VAT1L: variants seen among roughly 807,000 people sequenced by gnomAD.
VAT1L encodes putative NADPH-dependent quinone oxidoreductase VAT1L.
VAT1L carries 34 observed loss-of-function variants against 44.1 expected under a neutral mutation model. The ratio of observed to expected loss-of-function variants is 0.77; its 90% CI spans 0.59 to 1.03. VAT1L has a LOEUF of 1.03. VAT1L is among the 50% of genes least tolerant of loss of function. VAT1L has a pLI of 0.00. For missense variants in VAT1L, 615 were observed against 538.8 expected (o/e 1.14, Z -1.40); for synonymous variants, 253 against 202.2 (o/e 1.25, Z -2.13).
chr16:77,920,491 C>T (rs182414567), intron 7 of VAT1L, among the ~76,000 whole-genome samples: 35 of 152,124 alleles, frequency 2.3e-4, no homozygotes, highest in Non-Finnish European at 4.3e-4. Flanking sequence ...TGAAAACACC[C>T]CCTGAATTAT....
At chr16:77,806,623 G>A (rs1164080325) in intron 1 of VAT1L, among the ~76,000 whole-genome samples, 3 of 152,236 alleles carry the variant, frequency 2.0e-5, no homozygotes, top group African/African-American at 4.8e-5. Context: ...GATTACAGGC[G>A]TGAGCCACCG....
chr16:77,945,797 C>CTTTTTTT (rs58436423), intron 7 of VAT1L, among the ~76,000 whole-genome samples: 1 of 141,172 alleles, frequency 7.1e-6, no homozygotes, highest in African/African-American at 2.6e-5. Flanking sequence ...AGTGGCTTGA[C>CTTTTTTT]TTTTTTTTTT....
At chr16:77,847,876 T>C (rs2016772730) in intron 3 of VAT1L, among the ~76,000 whole-genome samples, 1 of 152,188 alleles carries the variant, frequency 6.6e-6, no homozygotes, top group Non-Finnish European at 1.5e-5. Context: ...TATACAAAAG[T>C]AGGCTGTCAA....
At chr16:77,906,067 A>T (rs1354044399) in intron 7 of VAT1L, among the ~76,000 whole-genome samples, 5 of 152,162 alleles carry the variant, frequency 3.3e-5, no homozygotes, top group African/African-American at 1.2e-4. Context: ...CCCCCCAGTA[A>T]TGAGTGTTGA....
intron 1 of VAT1L, 115 bp from the exon 2 acceptor site, chr16:77,816,806 A>G: frequency 7.7e-7 from 1 of 1,290,626 alleles, no homozygotes; most frequent in Non-Finnish European, 1.0e-6. Context: ...GACAGGAAGG[A>G]GTGAAGAAGG....
chr16:77,921,270 C>T lies in VAT1L; in HGVS notation c.1077+36468C>T, dbSNP rs115673114. On this transcript the variant is annotated intron_variant, in intron 7 of 8. Transcript: ENST00000302536. ...CTGTAAATCGGGACTATTCCTCTGA[C>T]TCCTCATGGAATTGCTTTTACTGAA... Among the ~76,000 whole-genome samples the T allele has an allele frequency of 4.2e-3, 637 of 152,302 alleles. 7 individuals are homozygous for T. Among genetic ancestry groups the T allele is most frequent in the African/African-American group, 0.015 (603 of 41,566 alleles).
chr16:77,953,891 C>G (rs1039866864), intron 7 of VAT1L, among the ~76,000 whole-genome samples: 1 of 152,156 alleles, frequency 6.6e-6, no homozygotes, highest in African/African-American at 2.4e-5. Context: ...AACAAGCCCA[C>G]CTACTGCATT....
chr16:77,942,602 C>T (rs1463100088), intron 7 of VAT1L, among the ~76,000 whole-genome samples: 4 of 152,138 alleles, frequency 2.6e-5, no homozygotes, highest in Admixed American at 1.3e-4. Flanking sequence ...ATAGTTGCCT[C>T]ATTTCTCTTT....
At chr16:77,854,470 G>A (rs968506392) in intron 3 of VAT1L, among the ~76,000 whole-genome samples, 1 of 152,152 alleles carries the variant, frequency 6.6e-6, no homozygotes, top group African/African-American at 2.4e-5. Context: ...CTGAATTGTT[G>A]AGCAGACAAA....
At chr16:77,902,436 T>C (rs1217329492) in intron 7 of VAT1L, among the ~76,000 whole-genome samples, 1 of 152,172 alleles carries the variant, frequency 6.6e-6, no homozygotes, top group Non-Finnish European at 1.5e-5. Flanking sequence ...CTAAGTATTC[T>C]TCTTAACCCA....
chr16:77,802,315 C>G (rs2016071908), intron 1 of VAT1L, among the ~76,000 whole-genome samples: 1 of 152,208 alleles, frequency 6.6e-6, no homozygotes, highest in South Asian at 2.1e-4. Flanking sequence ...GTCTTGAGTC[C>G]CTTAGAAAAC....
At chr16:77,968,189 C>T (rs919471629) in intron 7 of VAT1L, among the ~76,000 whole-genome samples, 7 of 152,094 alleles carry the variant, frequency 4.6e-5, no homozygotes, top group Non-Finnish European at 8.8e-5. Flanking sequence ...TTAGTTGGTC[C>T]TTTGATTCTC....
chr16:77,884,662 A>T lies in VAT1L; in HGVS notation c.937A>T (p.Ile313Phe), dbSNP rs766185650. The T allele has an allele frequency of 4.3e-6, 7 of 1,613,452 alleles. No individual in the cohort carries two copies. Among genetic ancestry groups the T allele is most frequent in the Non-Finnish European group, 5.9e-6 (7 of 1,179,830 alleles). Residue 313 changes from isoleucine (I) to phenylalanine (F), a missense_variant, in exon 7 of 9, where the codon ATC becomes TTC. Transcript: ENST00000302536. The surrounding 1 kb of genome is among the most constrained non-coding windows in gnomAD (Gnocchi z 4.5). ...PIKLYEENKV[I>F]AGFSLLNLLF... is the part of the protein sequence containing the mutation. The stretch of plus-strand genomic sequence containing the variant: ...CAAGCTGTATGAGGAGAACAAAGTC[A>T]TCGCGGGGTTTTCCCTTTTAAATCT...
intron 4 of VAT1L, among the ~76,000 whole-genome samples, chr16:77,872,579 C>A (rs2142450433): frequency 6.6e-6 from 1 of 152,276 alleles, no homozygotes; most frequent in Admixed American, 6.5e-5. Flanking sequence ...AACCTCAAAG[C>A]AAGCGGCCCT....
intron 7 of VAT1L, among the ~76,000 whole-genome samples, chr16:77,971,198 A>C (rs1348943072): frequency 2.6e-5 from 4 of 152,164 alleles, no homozygotes; most frequent in Non-Finnish European, 5.9e-5. Context: ...GAAATGCTCA[A>C]AAGGCAAATT....
intron 7 of VAT1L, among the ~76,000 whole-genome samples, chr16:77,924,906 C>T (rs1449782733): frequency 6.6e-6 from 1 of 152,142 alleles, no homozygotes; most frequent in Non-Finnish European, 1.5e-5. Context: ...GTCTCTGTAC[C>T]TTTTCATTTT....
intron 3 of VAT1L, among the ~76,000 whole-genome samples, chr16:77,849,864 A>T (rs573878890): frequency 6.6e-6 from 1 of 152,330 alleles, no homozygotes; most frequent in East Asian, 1.9e-4. Flanking sequence ...GAAGTCACAG[A>T]AAGAGTCCCG....
At chr16:77,822,407 C>A (rs1365312501) in intron 2 of VAT1L, among the ~76,000 whole-genome samples, 1 of 152,140 alleles carries the variant, frequency 6.6e-6, no homozygotes, top group Non-Finnish European at 1.5e-5. Flanking sequence ...CGTGAGCCAC[C>A]ACGCCTGGCC....
chr16:77,826,871 GA>G (rs1416615384), intron 3 of VAT1L, among the ~76,000 whole-genome samples: 3 of 152,150 alleles, frequency 2.0e-5, no homozygotes, highest in Non-Finnish European at 2.9e-5. Flanking sequence ...GATGAACTCA[GA>G]AATAAACTCT....
Sources: gnomAD v4.1 joint callset for allele counts (sites outside exome capture counted in the v4.1 genomes callset) on GRCh38, gnomAD v4.1.1 for gene constraint, Gnocchi (gnomAD v3.1) non-coding constraint, MANE v1.5 for transcripts, NCBI Gene and HGNC (gene_info 2026-07-23, HGNC 2026-07-21) for gene names.